Variants in L2HGDH observed in about 807,000 individuals in gnomAD.
The protein encoded by L2HGDH is L-2-hydroxyglutarate dehydrogenase, mitochondrial.
L2HGDH carries 34 observed loss-of-function variants against 51.5 expected under a neutral mutation model. The ratio of observed to expected loss-of-function variants is 0.66; its 90% CI spans 0.50 to 0.88. The LOEUF (loss-of-function observed/expected upper bound fraction) is 0.88. Ranked by LOEUF, L2HGDH falls within the 40% of genes least tolerant of loss-of-function variation. The pLI is 0.00. For synonymous variants in L2HGDH, 198 were observed against 197.9 expected, an observed-to-expected ratio of 1.00 and a Z score of -0.01; for missense variants, 558 against 571.9, an observed-to-expected ratio of 0.98 and a Z score of 0.25.
chr14:50,288,534 G>A (rs1378048289), intron 4 of L2HGDH, among the ~76,000 whole-genome samples: 2 of 152,130 alleles, frequency 1.3e-5, no homozygotes, highest in African/African-American at 2.4e-5. Flanking sequence ...TGGTTCAAGC[G>A]ATTCTCCTGC....
At chr14:50,267,705 T>C (rs776678263) in intron 8 of L2HGDH, 48 bp downstream of exon 8, 6 of 1,442,832 alleles carry the variant, frequency 4.2e-6, no homozygotes, top group Middle Eastern at 2.1e-4. Flanking sequence ...ACTTCCCACA[T>C]TGAAAATATA....
intron 9 of L2HGDH, among the ~76,000 whole-genome samples, chr14:50,259,197 A>C (rs578102350): frequency 1.2e-4 from 18 of 150,112 alleles, no homozygotes; most frequent in African/African-American, 4.4e-4. Context: ...AGCTGGATTA[A>C]AACTCCTGGG....
Position 50,242,881 on chromosome 14 carries a change from C to G in L2HGDH, c.*4177G>C. On this transcript the variant is annotated 3_prime_UTR_variant, in exon 10 of 10. Transcript: ENST00000267436. The stretch of plus-strand genomic sequence containing the variant: ...GATTAAGGGCCCAGGAGGGCAGAGC[C>G]AGTCCTTAAACAATATAGACACCAT... 1 of 985,440 alleles carries G rather than the reference C, an allele frequency of 1.0e-6. No homozygotes were observed. 61.0% of individuals were successfully genotyped at this position (985,440 alleles called of 1,614,324 possible). A position where few individuals can be genotyped will look rare whatever the true frequency, so the allele number is the denominator to read the frequency against.
chr14:50,283,980 C>A lies in L2HGDH; in HGVS notation c.594G>T (p.Val198=). ...PHTGIVDYRQ[V]ALSFAQDFQE... The stretch of plus-strand genomic sequence containing the variant: ...GGAAATCCTGGGCAAATGACAAAGC[C>A]ACCTGCCGATAGTCCACAATGCCAG... The change falls in exon 5 of 10, where the codon GTG becomes GTT. Residue 198 remains valine (V), a synonymous_variant. Transcript: ENST00000267436. 6.2e-7 allele frequency: 1 copy of A among 1,614,128 alleles called. No individual in the cohort carries two copies. The highest frequency in any genetic ancestry group is 8.5e-7 in the Non-Finnish European group (1 of 1,179,996).
At chr14:50,254,756 T>C (rs1314758837) in intron 9 of L2HGDH, among the ~76,000 whole-genome samples, 1 of 152,094 alleles carries the variant, frequency 6.6e-6, no homozygotes, top group Non-Finnish European at 1.5e-5. Flanking sequence ...AATGTTTTTC[T>C]GGCCAGGCAC....
At chr14:50,296,900 C>T (rs1244317863) in intron 3 of L2HGDH, among the ~76,000 whole-genome samples, 1 of 152,010 alleles carries the variant, frequency 6.6e-6, no homozygotes, top group Non-Finnish European at 1.5e-5. Context: ...AATGCAGCAA[C>T]ATATAGAGAG....
chr14:50,266,832 G>C (rs1456821282), intron 8 of L2HGDH, among the ~76,000 whole-genome samples: 1 of 152,016 alleles, frequency 6.6e-6, no homozygotes, highest in Non-Finnish European at 1.5e-5. Flanking sequence ...AAACCCTTTA[G>C]AGAGAAACAT....
At chr14:50,255,707 T>C (rs1052361678) in intron 9 of L2HGDH, among the ~76,000 whole-genome samples, 1 of 152,036 alleles carries the variant, frequency 6.6e-6, no homozygotes, top group African/African-American at 2.4e-5. Context: ...AGCTTTAAGT[T>C]AAAATTTAAA....
intron 6 of L2HGDH, among the ~76,000 whole-genome samples, chr14:50,270,696 C>T (rs992301350): frequency 6.6e-6 from 1 of 151,836 alleles, no homozygotes; most frequent in Non-Finnish European, 1.5e-5. Flanking sequence ...TTAGTAGAGA[C>T]GGGGTTTCAC....
At chr14:50,269,421 AC>A in intron 6 of L2HGDH, 91 bp from the exon 7 acceptor site, 2 of 1,262,836 alleles carry the variant, frequency 1.6e-6, no homozygotes, top group Non-Finnish European at 2.3e-6. Flanking sequence ...AAAAAAAGGT[AC>A]AGAAATAGAA....
chr14:50,278,207 C>A (rs556316126), intron 6 of L2HGDH, among the ~76,000 whole-genome samples: 1 of 152,306 alleles, frequency 6.6e-6, no homozygotes, highest in East Asian at 1.9e-4. Flanking sequence ...CCGAAGTCTT[C>A]TGATTTATAG....
At chr14:50,279,233 C>T (rs1455163912) in intron 5 of L2HGDH, among the ~76,000 whole-genome samples, 1 of 152,122 alleles carries the variant, frequency 6.6e-6, no homozygotes, top group Non-Finnish European at 1.5e-5. Context: ...AAAAACCTGT[C>T]AAGGAAGAAA....
chr14:50,254,353 TAAA>T (rs1285414584), intron 9 of L2HGDH, among the ~76,000 whole-genome samples: 1 of 151,976 alleles, frequency 6.6e-6, no homozygotes, highest in Non-Finnish European at 1.5e-5. Flanking sequence ...AAAAAAATCT[TAAA>T]GAATCAGATA....
chr14:50,246,105 A>T lies in L2HGDH; in HGVS notation c.*953T>A, dbSNP rs1405282040. On this transcript the variant is annotated 3_prime_UTR_variant, in exon 10 of 10. Coordinates refer to ENST00000267436, the MANE Select transcript of L2HGDH (RefSeq NM_024884.3). ...ACCATTGCACTCAAGCCTGGGCAAC[A>T]AGAGTGAAACTCCGTCTGAAAAAAA... 6.6e-6 allele frequency: 1 copy of T among 152,120 alleles called. No homozygotes were observed. Among genetic ancestry groups the T allele is most frequent in the Non-Finnish European group, 1.5e-5 (1 of 68,042 alleles). 9.4% of individuals were successfully genotyped at this position (152,120 alleles called of 1,614,324 possible).
rs767680731 is a variant in L2HGDH at position 50,255,998 on chromosome 14, G to A, written c.1197-8745C>T. Among the ~76,000 whole-genome samples, 19 of 151,754 alleles carry A rather than the reference G, an allele frequency of 1.3e-4. No homozygotes were observed. The East Asian group carries it at 1.4e-3, about 11-fold the overall frequency. On this transcript the variant is annotated intron_variant, in intron 9 of 9. Coordinates refer to ENST00000267436, the MANE Select transcript of L2HGDH (RefSeq NM_024884.3). ...AGGCTGGGTGACAGAGTGAGACTCCGTCTCAAAAAAAGAAAAAAAAATATG... is the reference window on the plus strand; with the variant it reads ...AGGCTGGGTGACAGAGTGAGACTCCATCTCAAAAAAAGAAAAAAAAATATG...
Position 50,244,750 on chromosome 14 carries a change from A to G in L2HGDH, c.*2308T>C. 1 of 985,420 alleles carries G rather than the reference A, an allele frequency of 1.0e-6. No homozygotes were observed. The highest frequency in any genetic ancestry group is 1.2e-6 in the Non-Finnish European group (1 of 829,928). The allele number at this position is 985,420 out of a possible 1,614,324, so 61.0% of individuals were successfully genotyped here. A position where few individuals can be genotyped will look rare whatever the true frequency, so the allele number is the denominator to read the frequency against. ...AATCAATGTAATCATCAATGCTTGA[A>G]GTGAGGGGAAAAGGAAGAAAACAGA... On this transcript the variant is annotated 3_prime_UTR_variant, in exon 10 of 10. Transcript: ENST00000267436.
intron 1 of L2HGDH, among the ~76,000 whole-genome samples, chr14:50,307,094 G>A (rs1448203869): frequency 1.3e-5 from 2 of 151,988 alleles, no homozygotes; most frequent in Admixed American, 1.3e-4. Context: ...GGGAATACAG[G>A]CGTGAGCCAC....
At chr14:50,310,995 G>C (rs979743870) in intron 1 of L2HGDH, among the ~76,000 whole-genome samples, 1 of 138,648 alleles carries the variant, frequency 7.2e-6, no homozygotes, top group Non-Finnish European at 1.5e-5. Context: ...CCAGGCTGGA[G>C]TGCAATGGTG....
intron 9 of L2HGDH, among the ~76,000 whole-genome samples, chr14:50,250,889 CAAG>C (rs1191714080): frequency 1.3e-5 from 2 of 152,170 alleles, no homozygotes; most frequent in African/African-American, 2.4e-5. Flanking sequence ...AAAGCCTTCC[CAAG>C]AAGGACAGGC....
Sources: allele counts gnomAD v4.1 joint callset (sites outside exome capture counted in the v4.1 genomes callset), GRCh38; gene constraint gnomAD v4.1.1; transcripts MANE v1.5; gene names NCBI Gene and HGNC (gene_info 2026-07-23, HGNC 2026-07-21).